Variants in BMP6 observed in about 807,000 individuals in gnomAD.
BMP6 encodes bone morphogenetic protein 6.
BMP6 carries 17 observed loss-of-function variants against 54.1 expected under a neutral mutation model. That is an observed-to-expected ratio of 0.31 (90% CI 0.22 to 0.47). The LOEUF (loss-of-function observed/expected upper bound fraction) is 0.47. Among genes scored for constraint, BMP6 ranks in the 20% least tolerant of loss-of-function variants. BMP6 has a pLI of 1.00. For missense variants in BMP6, 720 were observed against 690.4 expected (o/e 1.04, Z -0.48); for synonymous variants, 328 against 291.2 (o/e 1.13, Z -1.28).
At chr6:7,788,344 C>T (rs1409359928) in intron 1 of BMP6, among the ~76,000 whole-genome samples, 1 of 152,178 alleles carries the variant, frequency 6.6e-6, no homozygotes, top group Non-Finnish European at 1.5e-5. Context: ...GATCATACTT[C>T]AGTCTTTCCA....
intron 1 of BMP6, among the ~76,000 whole-genome samples, chr6:7,808,710 T>C (rs1758389185): frequency 6.6e-6 from 1 of 152,026 alleles, no homozygotes; most frequent in South Asian, 2.1e-4. Flanking sequence ...GTACAGGAGT[T>C]TGAGACCAGC....
chr6:7,815,096 C>T (rs187869653), intron 1 of BMP6, among the ~76,000 whole-genome samples: 1 of 152,206 alleles, frequency 6.6e-6, no homozygotes, highest in East Asian at 1.9e-4. Context: ...GATTATTCTT[C>T]CTTTTCTGGG....
At chr6:7,796,870 A>G (rs1021704630) in intron 1 of BMP6, among the ~76,000 whole-genome samples, 2 of 152,228 alleles carry the variant, frequency 1.3e-5, no homozygotes, top group African/African-American at 4.8e-5. Flanking sequence ...TGAAATAATC[A>G]TCTTATTCAA....
chr6:7,805,387 A>G (rs1248285201), intron 1 of BMP6, among the ~76,000 whole-genome samples: 1 of 152,184 alleles, frequency 6.6e-6, no homozygotes, highest in Non-Finnish European at 1.5e-5. Context: ...ACACACGATT[A>G]TTATCTTGGT....
chr6:7,762,628 C>T (rs186358624), intron 1 of BMP6, among the ~76,000 whole-genome samples: 10 of 152,296 alleles, frequency 6.6e-5, no homozygotes, highest in Admixed American at 3.9e-4. Context: ...CCCCAGCTTA[C>T]TAAATAAATA....
intron 4 of BMP6, among the ~76,000 whole-genome samples, chr6:7,868,323 G>A (rs1759460892): frequency 6.6e-6 from 1 of 151,900 alleles, no homozygotes; most frequent in Admixed American, 6.6e-5. Context: ...CCCCACCCCA[G>A]CCCTATCAAC....
At chr6:7,861,729 C>T (rs1174331871) in intron 3 of BMP6, 130 bp downstream of exon 3, 2 of 1,336,966 alleles carry the variant, frequency 1.5e-6, no homozygotes, top group Non-Finnish European at 1.0e-6. Flanking sequence ...ATTTACTGAT[C>T]CCCCATGACT....
intron 1 of BMP6, among the ~76,000 whole-genome samples, chr6:7,823,069 G>A (rs2113226204): frequency 6.6e-6 from 1 of 152,260 alleles, no homozygotes; most frequent in South Asian, 2.1e-4. Context: ...AAGATTTTCT[G>A]TGTTATATTC....
Position 7,880,421 on chromosome 6 carries a change from CAGTT to C in BMP6, c.*79_*82del. Reference sequence around the variant, plus strand: ...TCTGCCTTAAAAAAACACGGAAGCACAGTTGGAGGTGGGACGATGAGACTTTGAA... The same window carrying C: ...TCTGCCTTAAAAAAACACGGAAGCACGGAGGTGGGACGATGAGACTTTGAA... On this transcript the variant is annotated 3_prime_UTR_variant, in exon 7 of 7. Coordinates refer to ENST00000283147, the MANE Select transcript of BMP6 (RefSeq NM_001718.6). The C allele has an allele frequency of 6.4e-7, 1 of 1,574,570 alleles. No individual in the cohort carries two copies. The highest frequency in any genetic ancestry group is 1.1e-5 in the South Asian group (1 of 88,534).
intron 1 of BMP6, among the ~76,000 whole-genome samples, chr6:7,803,524 C>G (rs1326930696): frequency 6.6e-6 from 1 of 152,114 alleles, no homozygotes; most frequent in South Asian, 2.1e-4. Flanking sequence ...TAATGGCAAC[C>G]TCTACTCCCT....
chr6:7,755,950 G>C (rs1757508706), intron 1 of BMP6, among the ~76,000 whole-genome samples: 1 of 151,996 alleles, frequency 6.6e-6, no homozygotes, highest in Non-Finnish European at 1.5e-5. Context: ...TGATTTTTAA[G>C]ATTTTCTCTT....
At chr6:7,756,478 A>G (rs540231447) in intron 1 of BMP6, among the ~76,000 whole-genome samples, 1 of 151,904 alleles carries the variant, frequency 6.6e-6, no homozygotes, top group African/African-American at 2.4e-5. Flanking sequence ...GTTATTTCTG[A>G]GTCTGTTTTT....
At chr6:7,836,558 G>C (rs190519848) in intron 1 of BMP6, among the ~76,000 whole-genome samples, 148 of 152,240 alleles carry the variant, frequency 9.7e-4, no homozygotes, top group Non-Finnish European at 5.1e-4. Context: ...ATGTTACTAT[G>C]GGGGGAAGCT....
chr6:7,810,833 A>G (rs1201336792), intron 1 of BMP6, among the ~76,000 whole-genome samples: 1 of 152,214 alleles, frequency 6.6e-6, no homozygotes, highest in Admixed American at 6.5e-5. Context: ...ACCTAGGCCA[A>G]CACTGATTCT....
At chr6:7,862,189 C>G in intron 3 of BMP6, 112 bp from the exon 4 acceptor site, 1 of 1,268,922 alleles carries the variant, frequency 7.9e-7, no homozygotes, top group African/African-American at 1.5e-5. Context: ...CTTCTTCACA[C>G]TCATTCTTAA....
intron 1 of BMP6, among the ~76,000 whole-genome samples, chr6:7,759,636 A>G (rs1181516322): frequency 6.7e-6 from 1 of 150,236 alleles, no homozygotes; most frequent in African/African-American, 2.4e-5. Context: ...TAAAAGCTTG[A>G]GTGAAATAAA....
chr6:7,836,623 T>C (rs1299428022), intron 1 of BMP6, among the ~76,000 whole-genome samples: 1 of 152,228 alleles, frequency 6.6e-6, no homozygotes, highest in Non-Finnish European at 1.5e-5. Flanking sequence ...TGTGGGACTT[T>C]AATTATTTAC....
chr6:7,812,687 A>C (rs1385096583), intron 1 of BMP6, among the ~76,000 whole-genome samples: 5 of 152,236 alleles, frequency 3.3e-5, no homozygotes, highest in African/African-American at 9.6e-5. Context: ...CATATAAATC[A>C]AGAAGAAAAA....
chr6:7,849,660 T>G (rs1759114454), intron 2 of BMP6, among the ~76,000 whole-genome samples: 1 of 152,240 alleles, frequency 6.6e-6, no homozygotes, highest in Admixed American at 6.5e-5. Flanking sequence ...ACTTTTACTG[T>G]TGTAATTGAA....
Sources: allele counts gnomAD v4.1 joint callset (sites outside exome capture counted in the v4.1 genomes callset), GRCh38; gene constraint gnomAD v4.1.1; transcripts MANE v1.5; gene names NCBI Gene and HGNC (gene_info 2026-07-23, HGNC 2026-07-21).